The following CRADD variants were observed in gnomAD, a reference collection of about 807,000 sequenced individuals.
CRADD encodes CARD and death domain containing adaptor protein, also known as death domain-containing protein CRADD.
CRADD carries 9 observed loss-of-function variants against 15.5 expected under a neutral mutation model. That is an observed-to-expected ratio of 0.58 (90% CI 0.35 to 1.01). CRADD has a LOEUF of 1.01. Ranked by LOEUF, CRADD falls within the 50% of genes least tolerant of loss-of-function variation. The pLI is 0.02. For synonymous variants in CRADD, 118 were observed against 107.6 expected (o/e 1.10, Z -0.60); for missense variants, 227 against 250.3 (o/e 0.91, Z 0.63).
At chr12:93,758,870 A>G (rs897788442) in intron 2 of CRADD, among the ~76,000 whole-genome samples, 1 of 152,212 alleles carries the variant, frequency 6.6e-6, no homozygotes, top group Non-Finnish European at 1.5e-5. Flanking sequence ...AAACAGAAGT[A>G]TGGAAACTTG....
intron 2 of CRADD, among the ~76,000 whole-genome samples, chr12:93,789,347 C>T (rs1463829297): frequency 6.6e-6 from 1 of 152,096 alleles, no homozygotes; most frequent in Non-Finnish European, 1.5e-5. Flanking sequence ...GTGCATGCAG[C>T]CTTGACATAG....
intron 2 of CRADD, among the ~76,000 whole-genome samples, chr12:93,693,757 A>G (rs1056593620): frequency 6.6e-6 from 1 of 152,086 alleles, no homozygotes; most frequent in Non-Finnish European, 1.5e-5. Context: ...CCTAACAGAC[A>G]TTTACAGAAC....
chr12:93,697,987 C>T (rs1000592638), intron 2 of CRADD, among the ~76,000 whole-genome samples: 2 of 152,094 alleles, frequency 1.3e-5, no homozygotes, highest in African/African-American at 4.8e-5. Context: ...CTGCATCTTC[C>T]GAAATAAGGA....
At chr12:93,752,426 G>T (rs980016463) in intron 2 of CRADD, among the ~76,000 whole-genome samples, 2 of 152,162 alleles carry the variant, frequency 1.3e-5, no homozygotes, top group African/African-American at 4.8e-5. Flanking sequence ...GAGGCTATAG[G>T]CCCTTTTAGG....
chr12:93,683,826 T>G (rs979340412), intron 2 of CRADD, among the ~76,000 whole-genome samples: 12 of 152,262 alleles, frequency 7.9e-5, no homozygotes, highest in African/African-American at 2.9e-4. Flanking sequence ...CTTGGGATTC[T>G]TTTCATAGGT....
intron 2 of CRADD, among the ~76,000 whole-genome samples, chr12:93,764,148 G>A (rs1378996929): frequency 6.9e-6 from 1 of 145,344 alleles, no homozygotes; most frequent in Non-Finnish European, 1.5e-5. Flanking sequence ...TTCCTGGGCA[G>A]TTATTTTAAT....
At position 93,727,504 on chromosome 12, in the gene CRADD, C is replaced by T. The variant is rs537447351; in HGVS notation, c.298+48432C>T. On this transcript the variant is annotated intron_variant, in intron 2 of 2. Transcript: ENST00000332896. ...TTACCATTTTAGGCATGAAATAGAACGATTTTCTCCCAGAACATGATGTCC... is the reference window on the plus strand; with the variant it reads ...TTACCATTTTAGGCATGAAATAGAATGATTTTCTCCCAGAACATGATGTCC... Among the ~76,000 whole-genome samples, 6 of 152,296 alleles carry T rather than the reference C, an allele frequency of 3.9e-5. No homozygotes were observed. In the East Asian group the frequency reaches 5.8e-4, roughly 15 times the overall value.
chr12:93,860,442 G>A (rs1565942412), intron 2 of CRADD, among the ~76,000 whole-genome samples: 1 of 152,188 alleles, frequency 6.6e-6, no homozygotes, highest in African/African-American at 2.4e-5. Flanking sequence ...AATATAGGTG[G>A]TAGGGATATA....
intron 2 of CRADD, among the ~76,000 whole-genome samples, chr12:93,767,448 T>A (rs1200237217): frequency 6.6e-6 from 1 of 152,250 alleles, no homozygotes; most frequent in Non-Finnish European, 1.5e-5. Context: ...TTATTCTGTG[T>A]CCTCTATTAG....
chr12:93,855,246 G>GACACAC (rs145462608), downstream of CRADD, among the ~76,000 whole-genome samples: 4 of 151,508 alleles, frequency 2.6e-5, no homozygotes, highest in African/African-American at 9.7e-5. Flanking sequence ...TGGACACACA[G>GACACAC]ACACACACAC....
chr12:93,726,141 G>A (rs116551061), intron 2 of CRADD, among the ~76,000 whole-genome samples: 1,973 of 65,830 alleles, frequency 0.03, 38 homozygotes, highest in African/African-American at 0.092. Flanking sequence ...TTTCACTTTT[G>A]TCACCCTGGC....
intron 2 of CRADD, among the ~76,000 whole-genome samples, chr12:93,717,574 C>A (rs1956184233): frequency 6.6e-6 from 1 of 152,124 alleles, no homozygotes; most frequent in Non-Finnish European, 1.5e-5. Flanking sequence ...GGCTGGAGTG[C>A]AGTGGCATGA....
At chr12:93,827,473 G>A (rs1290209193) in intron 2 of CRADD, among the ~76,000 whole-genome samples, 1 of 152,208 alleles carries the variant, frequency 6.6e-6, no homozygotes, top group Non-Finnish European at 1.5e-5. Flanking sequence ...CTTGTCGACA[G>A]ACATTTGTTT....
chr12:93,816,853 G>C (rs1442540813), intron 2 of CRADD, among the ~76,000 whole-genome samples: 1 of 152,122 alleles, frequency 6.6e-6, no homozygotes. Context: ...AGAGTCATAG[G>C]CTTAAAAAAT....
intron 2 of CRADD, among the ~76,000 whole-genome samples, chr12:93,711,055 C>CCCTTT: frequency 5.3e-4 from 23 of 43,508 alleles, no homozygotes; most frequent in African/African-American, 7.6e-4. Context: ...CCACCCCCGC[C>CCCTTT]TTTTTTTTTT....
chr12:93,757,916 G>A (rs1232496187), intron 2 of CRADD, among the ~76,000 whole-genome samples: 2 of 152,216 alleles, frequency 1.3e-5, no homozygotes, highest in African/African-American at 4.8e-5. Context: ...GTCCATGTGA[G>A]GGACAATGGC....
At chr12:93,680,895 T>C (rs573030591) in intron 2 of CRADD, among the ~76,000 whole-genome samples, 1 of 152,312 alleles carries the variant, frequency 6.6e-6, no homozygotes, top group Non-Finnish European at 1.5e-5. Context: ...ACCATTTTTT[T>C]TTTTTTGAGA....
At chr12:93,690,177 A>T (rs1360304255) in intron 2 of CRADD, among the ~76,000 whole-genome samples, 1 of 152,202 alleles carries the variant, frequency 6.6e-6, no homozygotes, top group African/African-American at 2.4e-5. Context: ...CCAGATTCAG[A>T]CTATTGGCCA....
rs575159339 is a variant in CRADD at position 93,765,506 on chromosome 12, A to G, written c.299-84464A>G. 2.0e-5 allele frequency among the ~76,000 whole-genome samples: 3 copies of G among 152,284 alleles called. No homozygotes were observed. The South Asian group carries it at 6.2e-4, about 32-fold the overall frequency. On this transcript the variant is annotated intron_variant, in intron 2 of 2. Coordinates refer to ENST00000332896, the MANE Select transcript of CRADD (RefSeq NM_003805.5). ...GTAATTTTTCCCAATAATCAGTAATATTCCCCATGCATTACAATGGTATCC... is the reference window on the plus strand; with the variant it reads ...GTAATTTTTCCCAATAATCAGTAATGTTCCCCATGCATTACAATGGTATCC...
Sources: gnomAD v4.1 joint callset for allele counts (sites outside exome capture counted in the v4.1 genomes callset) on GRCh38, gnomAD v4.1.1 for gene constraint, MANE v1.5 for transcripts, NCBI Gene and HGNC (gene_info 2026-07-23, HGNC 2026-07-21) for gene names.